The following CWH43 variants were observed in gnomAD, a reference collection of about 807,000 sequenced individuals.
CWH43 encodes the protein PGAP2-interacting protein.
In CWH43, 91 loss-of-function variants were observed where a neutral mutation model predicts 85.7. The ratio of observed to expected loss-of-function variants is 1.06; its 90% CI spans 0.90 to 1.26. The LOEUF (loss-of-function observed/expected upper bound fraction) is 1.26. Among genes scored for constraint, CWH43 ranks in the 50% most tolerant of loss-of-function variants. CWH43 has a pLI of 0.00. For missense variants in CWH43, 869 were observed against 839.2 expected, an observed-to-expected ratio of 1.04 and a Z score of -0.44; for synonymous variants, 323 against 293.6, an observed-to-expected ratio of 1.10 and a Z score of -1.02.
chr4:49,030,009 A>G (rs1311568391), intron 10 of CWH43, among the ~76,000 whole-genome samples: 1 of 152,014 alleles, frequency 6.6e-6, no homozygotes, highest in Admixed American at 6.6e-5. Context: ...CTTTCTCTAT[A>G]CTTTGTCTCT....
intron 11 of CWH43, chr4:49,031,327 G>A (rs1432099027): frequency 6.2e-6 from 1 of 162,224 alleles, no homozygotes; most frequent in Non-Finnish European, 1.3e-5. Context: ...GTGTAGAAAA[G>A]AAACCACTGA....
intron 13 of CWH43, among the ~76,000 whole-genome samples, chr4:49,040,265 A>G (rs1784415447): frequency 6.6e-6 from 1 of 152,332 alleles, no homozygotes; most frequent in Admixed American, 6.5e-5. Context: ...ATACCCAGTA[A>G]TGGGGTGGCT....
intron 14 of CWH43, among the ~76,000 whole-genome samples, chr4:49,045,483 A>G: frequency 6.6e-6 from 1 of 152,204 alleles, no homozygotes; most frequent in Non-Finnish European, 1.5e-5. Flanking sequence ...TAAGATTATA[A>G]TATCATACTT....
intron 15 of CWH43, among the ~76,000 whole-genome samples, chr4:49,058,909 T>C (rs1002846250): frequency 6.6e-6 from 1 of 152,202 alleles, no homozygotes; most frequent in Non-Finnish European, 1.5e-5. Flanking sequence ...TTGTCTTTGA[T>C]TTTTGAAAAT....
rs772280407 is a variant in CWH43 at position 49,007,343 on chromosome 4, A to G, written c.1186+17A>G. The G allele has an allele frequency of 5.2e-6, 8 of 1,535,686 alleles. No homozygotes were observed. Among genetic ancestry groups the G allele is most frequent in the Non-Finnish European group, 7.0e-6 (8 of 1,146,558 alleles). ...TGAAACTTTGTAAGTATAGTTTTAC[A>G]TTCTTAAAAAAAATTAATTATATAA... On this transcript the variant is annotated intron_variant, in intron 8 of 15. Transcript: ENST00000226432.
intron 15 of CWH43, among the ~76,000 whole-genome samples, chr4:49,059,284 C>G (rs965639206): frequency 1.3e-5 from 2 of 152,106 alleles, no homozygotes; most frequent in Non-Finnish European, 2.9e-5. Context: ...TTCCTTAGCT[C>G]TAGAATTTCT....
chr4:49,038,827 G>C (rs1784345320), intron 13 of CWH43, among the ~76,000 whole-genome samples: 1 of 152,060 alleles, frequency 6.6e-6, no homozygotes. Flanking sequence ...GGGAGGCTGA[G>C]GCGGGCGGAT....
At chr4:49,003,695 G>A (rs368954377) in intron 6 of CWH43, 40 bp from the exon 7 acceptor site, 7 of 1,609,370 alleles carry the variant, frequency 4.3e-6, no homozygotes, top group Non-Finnish European at 5.9e-6. Context: ...CTCTAAGCTC[G>A]ACTGCTTTCC....
chr4:49,055,924 T>C (rs1193564725), intron 15 of CWH43, among the ~76,000 whole-genome samples: 1 of 151,362 alleles, frequency 6.6e-6, no homozygotes, highest in Non-Finnish European at 1.5e-5. Flanking sequence ...TTTTTTTTTT[T>C]TTTATTATAC....
intron 8 of CWH43, 95 bp from the exon 9 acceptor site, chr4:49,017,154 T>A (rs1224737884): frequency 2.0e-6 from 2 of 1,010,870 alleles, no homozygotes; most frequent in Non-Finnish European, 3.1e-6. Context: ...GAGGGTGCCA[T>A]GGCACTGGAG....
intron 9 of CWH43, among the ~76,000 whole-genome samples, chr4:49,025,413 G>T (rs960610975): frequency 6.6e-6 from 1 of 152,022 alleles, no homozygotes; most frequent in Admixed American, 6.6e-5. Context: ...GATCTTTTGG[G>T]GGTGTTAAAG....
Position 48,992,484 on chromosome 4 carries a change from G to C in CWH43, c.511+394G>C, listed in dbSNP as rs758153072. On this transcript the variant is annotated intron_variant, in intron 4 of 15. Coordinates refer to ENST00000226432, the MANE Select transcript of CWH43 (RefSeq NM_025087.3). The surrounding 1 kb of genome is among the most constrained non-coding windows in gnomAD (Gnocchi z 4.3). ...CAGTACATCTGTAACACTAAGGAAA[G>C]TTTCTGTCACGTATGGCTGTCACTG... Among the ~76,000 whole-genome samples the C allele has an allele frequency of 2.6e-5, 4 of 152,176 alleles. No homozygotes were observed. Among genetic ancestry groups the C allele is most frequent in the Non-Finnish European group, 5.9e-5 (4 of 68,030 alleles).
intron 8 of CWH43, chr4:49,016,545 T>C (rs1783553764): frequency 3.0e-6 from 2 of 668,392 alleles, no homozygotes; most frequent in East Asian, 3.1e-5. Flanking sequence ...GGAGAAGGGA[T>C]TGGCCTGGTC....
chr4:49,020,384 T>TACACACACACACACACACAC (rs35489918), intron 9 of CWH43, among the ~76,000 whole-genome samples: 2 of 120,168 alleles, frequency 1.7e-5, no homozygotes, highest in Non-Finnish European at 3.6e-5. Flanking sequence ...AGTATTCCAT[T>TACACACACACACACACACAC]ACACACACAC....
intron 15 of CWH43, among the ~76,000 whole-genome samples, chr4:49,061,586 C>T (rs1275068667): frequency 2.0e-5 from 3 of 152,236 alleles, no homozygotes; most frequent in African/African-American, 4.8e-5. Context: ...TATTTTTCAG[C>T]AATGCTAGCC....
At chr4:49,007,369 A>G (rs1783193908) in intron 8 of CWH43, 43 bp downstream of exon 8, 4 of 1,475,246 alleles carry the variant, frequency 2.7e-6, no homozygotes, top group East Asian at 5.0e-5. Context: ...AATTATATAA[A>G]ATTCTAAACG....
At chr4:49,021,789 T>C (rs1395594706) in intron 9 of CWH43, among the ~76,000 whole-genome samples, 2 of 152,174 alleles carry the variant, frequency 1.3e-5, no homozygotes, top group African/African-American at 4.8e-5. Context: ...TATTCCTAAA[T>C]ATTTTATTTT....
intron 9 of CWH43, among the ~76,000 whole-genome samples, chr4:49,021,959 C>T (rs1203340477): frequency 6.6e-6 from 1 of 152,012 alleles, no homozygotes; most frequent in Non-Finnish European, 1.5e-5. Context: ...TTGGTGGAGT[C>T]TTTGGGGTTT....
At chr4:48,996,608 C>T (rs1362503954) in intron 5 of CWH43, among the ~76,000 whole-genome samples, 3 of 152,306 alleles carry the variant, frequency 2.0e-5, no homozygotes, top group Admixed American at 6.5e-5. Context: ...TGTGTTAAAG[C>T]TTAGTTTCCA....
Sources: allele counts gnomAD v4.1 joint callset (sites outside exome capture counted in the v4.1 genomes callset), GRCh38; gene constraint gnomAD v4.1.1; non-coding constraint Gnocchi (gnomAD v3.1); transcripts MANE v1.5; gene names NCBI Gene and HGNC (gene_info 2026-07-23, HGNC 2026-07-21).